The following PCDHA5 variants were observed in gnomAD, a reference collection of about 807,000 sequenced individuals.
PCDHA5 encodes protocadherin alpha 5.
PCDHA5 carries 43 observed loss-of-function variants against 61.6 expected under a neutral mutation model. That is an observed-to-expected ratio of 0.70 (90% CI 0.55 to 0.90). The LOEUF is 0.90. Among genes scored for constraint, PCDHA5 ranks in the 40% least tolerant of loss-of-function variants. The probability of loss-of-function intolerance (pLI) is 0.00; values close to 1 mark genes in which losing one functional copy is unlikely to be tolerated. For missense variants in PCDHA5, 1,298 were observed against 1,222.7 expected (o/e 1.06, Z -0.92); for synonymous variants, 627 against 543.9 (o/e 1.15, Z -2.13).
chr5:140,903,884 A>C (rs1466107424), intron 1 of PCDHA5, among the ~76,000 whole-genome samples: 1 of 152,214 alleles, frequency 6.6e-6, no homozygotes, highest in Non-Finnish European at 1.5e-5. Context: ...AAGACATTGA[A>C]TCTTGACCTG....
chr5:140,939,789 A>G (rs1259994967), intron 1 of PCDHA5, among the ~76,000 whole-genome samples: 1 of 152,246 alleles, frequency 6.6e-6, no homozygotes, highest in Non-Finnish European at 1.5e-5. Context: ...GTCAATTTCT[A>G]TAAATGTTCT....
At chr5:140,884,532 G>A in intron 1 of PCDHA5, 2 of 1,614,042 alleles carry the variant, frequency 1.2e-6, no homozygotes, top group South Asian at 2.2e-5. Flanking sequence ...CAGCAGAGGC[G>A]GCCGAGGGTG....
chr5:140,958,546 C>A (rs1366018855), intron 1 of PCDHA5, among the ~76,000 whole-genome samples: 3 of 152,034 alleles, frequency 2.0e-5, no homozygotes, highest in Non-Finnish European at 4.4e-5. Context: ...ATTTATGAAC[C>A]AATAAATGTT....
intron 1 of PCDHA5, chr5:140,842,577 C>A: frequency 6.6e-7 from 1 of 1,512,698 alleles, no homozygotes; most frequent in Non-Finnish European, 9.0e-7. Context: ...GAGAGAGTGT[C>A]GGCCTATGAG....
At chr5:140,856,849 T>G (rs1327483649) in intron 1 of PCDHA5, 1 of 1,593,444 alleles carries the variant, frequency 6.3e-7, no homozygotes, top group African/African-American at 1.3e-5. Flanking sequence ...ACGCTTCTGA[T>G]TCGGATGAAG....
At chr5:140,847,479 A>G (rs1229726594) in intron 1 of PCDHA5, 1 of 149,940 alleles carries the variant, frequency 6.7e-6, no homozygotes, top group East Asian at 1.9e-4. Flanking sequence ...ACGTTGGAAT[A>G]AGATAGTAAA....
intron 1 of PCDHA5, chr5:140,876,256 A>T: frequency 1.9e-6 from 3 of 1,614,042 alleles, no homozygotes; most frequent in Non-Finnish European, 2.5e-6. Context: ...CACAAGAGTG[A>T]TCCAACTAAA....
chr5:140,927,740 G>A (rs782665573), intron 1 of PCDHA5: 5 of 1,614,206 alleles, frequency 3.1e-6, no homozygotes, highest in Middle Eastern at 1.6e-4. Context: ...CTGCGACACC[G>A]CTTTCACGTG....
chr5:140,982,611 T>G, intron 3 of PCDHA5, 48 bp downstream of exon 3: 2 of 1,600,048 alleles, frequency 1.2e-6, no homozygotes, highest in South Asian at 2.2e-5. Flanking sequence ...TGGAAAGTGA[T>G]CAGATGACCT....
At chr5:140,924,891 T>C (rs549129193) in intron 1 of PCDHA5, among the ~76,000 whole-genome samples, 1 of 88,410 alleles carries the variant, frequency 1.1e-5, no homozygotes, top group African/African-American at 5.1e-5. Context: ...CAAGAACCTG[T>C]CTCAAAAAAA....
chr5:140,821,739 G>T lies in PCDHA5; in HGVS notation c.-37G>T, dbSNP rs2150110310. ...GAATTTACAAAATACATTGTGTGGT[G>T]ATGCAATAGAAAGCTCATAATTGGA... On this transcript the variant is annotated 5_prime_UTR_variant, in exon 1 of 4. Transcript: ENST00000529859. 1 of 1,546,468 alleles carries T rather than the reference G, an allele frequency of 6.5e-7. No individual in the cohort carries two copies. Among genetic ancestry groups the T allele is most frequent in the Non-Finnish European group, 8.7e-7 (1 of 1,143,542 alleles).
intron 1 of PCDHA5, among the ~76,000 whole-genome samples, chr5:140,880,055 C>G (rs1024788960): frequency 1.3e-5 from 2 of 152,146 alleles, no homozygotes; most frequent in Admixed American, 6.5e-5. Flanking sequence ...GTGGGCATAA[C>G]TTTTTGGGGA....
intron 1 of PCDHA5, chr5:140,865,473 G>C (rs1425429584): frequency 6.6e-6 from 1 of 152,122 alleles, no homozygotes; most frequent in African/African-American, 2.4e-5. Context: ...TAAACATTAA[G>C]GAAATCTTCA....
intron 3 of PCDHA5, among the ~76,000 whole-genome samples, chr5:140,987,372 A>G (rs1357478474): frequency 6.6e-6 from 1 of 152,204 alleles, no homozygotes; most frequent in Non-Finnish European, 1.5e-5. Flanking sequence ...ATATCATTAC[A>G]GGGTCAGAAT....
chr5:140,982,545 G>C lies in PCDHA5; in HGVS notation c.2482G>C (p.Val828Leu), dbSNP rs782544627. The change falls in exon 3 of 4, where the codon GTA becomes CTA. Residue 828 changes from valine (V) to leucine (L), a missense_variant. Val to Leu is a conservative substitution (Grantham distance 32). Transcript: ENST00000529859. The stretch of plus-strand genomic sequence containing the variant: ...AGGGCCTGATCAGCAGTGGCCAACA[G>C]TATCCAGTGCAACACCAGGTAAAGA... ...PGGPDQQWPT[V>L]SSATPEPEAG... The C allele has an allele frequency of 6.2e-6, 10 of 1,614,088 alleles. No individual in the cohort carries two copies. The East Asian group carries it at 2.2e-4, about 36-fold the overall frequency.
At chr5:140,858,028 C>T (rs1192934836) in intron 1 of PCDHA5, 1 of 1,596,786 alleles carries the variant, frequency 6.3e-7, no homozygotes, top group Non-Finnish European at 8.6e-7. Context: ...CGCTGACGGC[C>T]ACGGCCACTG....
chr5:140,926,034 G>A (rs782564671), intron 1 of PCDHA5, among the ~76,000 whole-genome samples: 1 of 152,158 alleles, frequency 6.6e-6, no homozygotes, highest in Non-Finnish European at 1.5e-5. Context: ...GTTTGATGCG[G>A]ACACTATTCC....
intron 1 of PCDHA5, among the ~76,000 whole-genome samples, chr5:140,933,444 A>T (rs1478759836): frequency 1.3e-5 from 2 of 152,184 alleles, no homozygotes; most frequent in African/African-American, 4.8e-5. Flanking sequence ...CTAATGACAT[A>T]CCTTCAAAAT....
chr5:140,938,734 AT>A (rs1207782725), intron 1 of PCDHA5, among the ~76,000 whole-genome samples: 1 of 152,136 alleles, frequency 6.6e-6, no homozygotes, highest in Admixed American at 6.5e-5. Flanking sequence ...ACAGAAAAAA[AT>A]AATTATTTTT....
Sources: allele counts gnomAD v4.1 joint callset (sites outside exome capture counted in the v4.1 genomes callset), GRCh38; gene constraint gnomAD v4.1.1; transcripts MANE v1.5; gene names NCBI Gene and HGNC (gene_info 2026-07-23, HGNC 2026-07-21).